GPRC6A: variants seen among roughly 807,000 people sequenced by gnomAD.
The protein encoded by GPRC6A is G protein-coupled receptor class C group 6 member A.
Under a neutral mutation model 47.0 loss-of-function variants are expected in GPRC6A, and 54 were observed. The observed-to-expected ratio is 1.15, with a 90% CI of 0.92 to 1.44. The LOEUF (loss-of-function observed/expected upper bound fraction) is 1.44, where lower values mean the gene tolerates loss of function less well. Among genes scored for constraint, GPRC6A ranks in the 40% most tolerant of loss-of-function variants. The probability of loss-of-function intolerance (pLI) is 0.00; values close to 1 mark genes in which losing one functional copy is unlikely to be tolerated. For synonymous variants in GPRC6A, 347 were observed against 377.1 expected (o/e 0.92, Z 0.93); for missense variants, 1,112 against 1,105.5 (o/e 1.01, Z -0.08).
chr6:116,813,672 C>T (rs147137775), intron 1 of GPRC6A, among the ~76,000 whole-genome samples: 2,019 of 152,306 alleles, frequency 0.013, 23 homozygotes, highest in Non-Finnish European at 0.019. Context: ...AAAACCTAGG[C>T]AGTACCATTC....
At position 116,806,761 on chromosome 6, in the gene GPRC6A, G is replaced by A; in HGVS notation, c.944C>T (p.Pro315Leu). 1.2e-6 allele frequency: 2 copies of A among 1,613,610 alleles called. No homozygotes were observed. Among genetic ancestry groups the A allele is most frequent in the East Asian group, 2.2e-5 (1 of 44,886 alleles). The stretch of plus-strand genomic sequence containing the variant: ...AACTTTGCCAATCTTTTTAACATTA[G>A]GAATGGTGGTAATCTTGGTGGCAGT... ...WSTATKITTI[P>L]NVKKIGKVVG... The change falls in exon 3 of 6, where the codon CCT becomes CTT. Residue 315 changes from proline to leucine, a missense_variant. Coordinates refer to ENST00000310357, the MANE Select transcript of GPRC6A (RefSeq NM_148963.4).
chr6:116,829,198 A>C (rs1773768606), upstream of GPRC6A: 1 of 241,800 alleles, frequency 4.1e-6, no homozygotes, highest in Non-Finnish European at 6.7e-6. Context: ...ATAAGAACAC[A>C]GGCTTTTTAA....
intron 1 of GPRC6A, among the ~76,000 whole-genome samples, chr6:116,825,155 C>A (rs1773639421): frequency 6.6e-6 from 1 of 151,932 alleles, no homozygotes. Context: ...AGTGGAAAGC[C>A]TTTTCTCTAA....
At chr6:116,798,193 G>A (rs770948022) in intron 4 of GPRC6A, among the ~76,000 whole-genome samples, 5 of 151,600 alleles carry the variant, frequency 3.3e-5, no homozygotes, top group Non-Finnish European at 5.9e-5. Context: ...AATAAGGATA[G>A]GACAGTGAAT....
intron 3 of GPRC6A, among the ~76,000 whole-genome samples, chr6:116,801,672 A>G (rs998752000): frequency 6.6e-6 from 1 of 152,182 alleles, no homozygotes; most frequent in Non-Finnish European, 1.5e-5. Flanking sequence ...TGTCAATAGA[A>G]TATAAAAAAT....
At chr6:116,817,139 C>G (rs565665047) in intron 1 of GPRC6A, among the ~76,000 whole-genome samples, 1 of 152,048 alleles carries the variant, frequency 6.6e-6, no homozygotes, top group South Asian at 2.1e-4. Flanking sequence ...ATGTCCCTGT[C>G]TGACAGCTTT....
chr6:116,796,288 A>T (rs1343767344), intron 4 of GPRC6A, among the ~76,000 whole-genome samples: 2 of 152,114 alleles, frequency 1.3e-5, no homozygotes, highest in Non-Finnish European at 2.9e-5. Flanking sequence ...AAAATAAAAA[A>T]AAAAGAAACA....
rs571178409 is a variant in GPRC6A, at chr6:116,813,908, A to G, written c.195-4291T>C. Among the ~76,000 whole-genome samples the G allele has an allele frequency of 8.5e-5, 13 of 152,368 alleles. No homozygotes were observed. In the South Asian group the frequency reaches 2.7e-3, roughly 32 times the overall value. ...ATCTACAAAGAACTCAAACAAATTT[A>G]CAAGAAAAAACAACCCCTTCAAAAA... is the stretch of plus-strand genomic sequence containing the variant. On this transcript the variant is annotated intron_variant, in intron 1 of 5. Coordinates refer to ENST00000310357, the MANE Select transcript of GPRC6A (RefSeq NM_148963.4).
At position 116,806,516 on chromosome 6, in the gene GPRC6A, C is replaced by T. The variant is rs374255681; in HGVS notation, c.1189G>A (p.Val397Ile). ...KANKAIERNF[V>I]MRNDFLWDYA... is the part of the protein sequence containing the mutation. Reference sequence around the variant, plus strand: ...TCCCAGAGGAAGTCATTTCTCATGACGAAGTTCCTTTCTATAGCCTTGTTA... The same window carrying T: ...TCCCAGAGGAAGTCATTTCTCATGATGAAGTTCCTTTCTATAGCCTTGTTA... The change falls in exon 3 of 6, where the codon GTC becomes ATC. Residue 397 changes from valine to isoleucine, a missense_variant. Physicochemically the swap from Val to Ile is conservative, Grantham distance 29 (BLOSUM62 3). Transcript: ENST00000310357. The T allele has an allele frequency of 2.7e-5, 43 of 1,613,422 alleles. No homozygotes were observed. In the South Asian group the frequency reaches 2.7e-4, roughly 10 times the overall value.
chr6:116,817,362 A>T (rs993367769), intron 1 of GPRC6A, among the ~76,000 whole-genome samples: 1 of 151,708 alleles, frequency 6.6e-6, no homozygotes, highest in African/African-American at 2.4e-5. Flanking sequence ...AACAGAAAGG[A>T]CATCCACACC....
intron 5 of GPRC6A, among the ~76,000 whole-genome samples, chr6:116,794,043 C>T (rs573740353): frequency 5.9e-5 from 9 of 152,286 alleles, no homozygotes; most frequent in African/African-American, 2.2e-4. Flanking sequence ...TGCAGGGCAG[C>T]ACAAATACTT....
chr6:116,800,492 A>G (rs1772636080), intron 4 of GPRC6A, 92 bp downstream of exon 4: 2 of 800,008 alleles, frequency 2.5e-6, no homozygotes, highest in Non-Finnish European at 4.5e-6. Context: ...GTGTTTGGCC[A>G]GATGAGTATG....
At chr6:116,821,851 T>C (rs1035909299) in intron 1 of GPRC6A, among the ~76,000 whole-genome samples, 16 of 150,892 alleles carry the variant, frequency 1.1e-4, no homozygotes, top group Non-Finnish European at 2.1e-4. Context: ...AAAGCCAAAA[T>C]TGACAAATGG....
Position 116,806,523 on chromosome 6 carries a change from C to G in GPRC6A, c.1182G>C (p.Arg394Ser). 6.2e-7 allele frequency: 1 copy of G among 1,613,570 alleles called. No individual in the cohort carries two copies. The highest frequency in any genetic ancestry group is 8.5e-7 in the Non-Finnish European group (1 of 1,179,736). ...GGAAGTCATTTCTCATGACGAAGTT[C>G]CTTTCTATAGCCTTGTTAGCCTTGT... ...LAYKANKAIE[R>S]NFVMRNDFLW... is the part of the protein sequence containing the mutation. The change falls in exon 3 of 6, where the codon AGG becomes AGC. Residue 394 changes from arginine to serine, a missense_variant. Arg to Ser is a moderately radical substitution (Grantham distance 110, BLOSUM62 -1). Coordinates refer to ENST00000310357, the MANE Select transcript of GPRC6A (RefSeq NM_148963.4).
Position 116,800,601 on chromosome 6 carries a change from C to T in GPRC6A, c.1531G>A (p.Glu511Lys). ...FIIPDQETKNEFRNLKQIQSK... is the reference protein window; with the variant it reads ...FIIPDQETKNKFRNLKQIQSK... The stretch of plus-strand genomic sequence containing the variant: ...AAGGTTACCTTAAGATTCCTGAACT[C>T]ATTTTTTGTTTCCTGATCTGGGATG... The change falls in exon 4 of 6, where the codon GAG becomes AAG. Residue 511 changes from glutamate to lysine, a missense_variant. Coordinates refer to ENST00000310357, the MANE Select transcript of GPRC6A (RefSeq NM_148963.4). 1.2e-6 allele frequency: 2 copies of T among 1,612,714 alleles called. No homozygotes were observed. Among genetic ancestry groups the T allele is most frequent in the Non-Finnish European group, 1.7e-6 (2 of 1,178,962 alleles).
At chr6:116,817,953 C>T (rs1240065549) in intron 1 of GPRC6A, among the ~76,000 whole-genome samples, 2 of 151,942 alleles carry the variant, frequency 1.3e-5, no homozygotes, top group Non-Finnish European at 2.9e-5. Flanking sequence ...TTGGAAAACA[C>T]TCTGCAGGAT....
At chr6:116,811,274 A>T (rs547696603) in intron 1 of GPRC6A, among the ~76,000 whole-genome samples, 9 of 152,244 alleles carry the variant, frequency 5.9e-5, no homozygotes, top group African/African-American at 2.2e-4. Context: ...CCCAACCAAC[A>T]CTATCTATTC....
chr6:116,828,652 T>C (rs1773744791), intron 1 of GPRC6A, among the ~76,000 whole-genome samples, 168 bp downstream of exon 1: 1 of 152,094 alleles, frequency 6.6e-6, no homozygotes, highest in Non-Finnish European at 1.5e-5. Flanking sequence ...TAGAGGGCTG[T>C]TATAGCTCTC....
chr6:116,794,837 G>A (rs754101641), intron 5 of GPRC6A, among the ~76,000 whole-genome samples: 43 of 152,082 alleles, frequency 2.8e-4, no homozygotes, highest in Non-Finnish European at 5.9e-4. Context: ...GATACTCTCA[G>A]GTTGGAATAA....
Sources: allele counts gnomAD v4.1 joint callset (sites outside exome capture counted in the v4.1 genomes callset), GRCh38; gene constraint gnomAD v4.1.1; transcripts MANE v1.5; gene names NCBI Gene and HGNC (gene_info 2026-07-23, HGNC 2026-07-21).